Variants in CCDC171 observed in about 807,000 individuals in gnomAD.
CCDC171 encodes coiled-coil domain containing 171.
In CCDC171, 177 loss-of-function variants were observed where a neutral mutation model predicts 168.2. That is an observed-to-expected ratio of 1.05 (90% CI 0.93 to 1.19). The LOEUF is 1.19. CCDC171 is among the 50% of genes most tolerant of loss of function. CCDC171 has a pLI of 0.00. For synonymous variants in CCDC171, 687 were observed against 540.8 expected, an observed-to-expected ratio of 1.27 and a Z score of -3.75; for missense variants, 1,991 against 1,539.0, an observed-to-expected ratio of 1.29 and a Z score of -4.91.
At chr9:15,766,842 G>C (rs1245293580) in intron 18 of CCDC171, among the ~76,000 whole-genome samples, 2 of 152,068 alleles carry the variant, frequency 1.3e-5, no homozygotes, top group Non-Finnish European at 2.9e-5. Context: ...TTTGTTTTTT[G>C]TAGAGATGGG....
chr9:15,735,368 G>T (rs751010494), intron 16 of CCDC171, among the ~76,000 whole-genome samples: 2 of 152,030 alleles, frequency 1.3e-5, no homozygotes, highest in African/African-American at 4.8e-5. Context: ...TAGCATTTAT[G>T]TTCTTGTTTC....
At chr9:16,013,927 T>G (rs1379612282) in intron 3 of CCDC171, among the ~76,000 whole-genome samples, 1 of 152,242 alleles carries the variant, frequency 6.6e-6, no homozygotes, top group Non-Finnish European at 1.5e-5. Flanking sequence ...CTTGTCTTGA[T>G]GTTGATGGCT....
At chr9:15,903,530 G>A (rs199987331) in intron 24 of CCDC171, among the ~76,000 whole-genome samples, 17 of 152,020 alleles carry the variant, frequency 1.1e-4, no homozygotes, top group East Asian at 7.7e-4. Context: ...CCATCTGTAC[G>A]TCACCATCAT....
intron 21 of CCDC171, among the ~76,000 whole-genome samples, chr9:15,842,095 T>C (rs892217690): frequency 2.0e-5 from 3 of 152,042 alleles, no homozygotes; most frequent in Admixed American, 1.3e-4. Flanking sequence ...TGCAAGGAAA[T>C]GTAACCTAGT....
At chr9:16,099,844 A>C in the CCDC171 span, among the ~76,000 whole-genome samples, 1 of 152,222 alleles carries the variant, frequency 6.6e-6, no homozygotes, top group Admixed American at 6.5e-5. Flanking sequence ...GACACAAGTT[A>C]GTGCATGTTG....
chr9:15,712,348 T>C (rs2052732974), intron 11 of CCDC171, among the ~76,000 whole-genome samples: 1 of 152,210 alleles, frequency 6.6e-6, no homozygotes, highest in South Asian at 2.1e-4. Context: ...GTAACCTCCA[T>C]TCTACTTTCT....
intron 18 of CCDC171, among the ~76,000 whole-genome samples, chr9:15,749,339 A>G (rs1031156373): frequency 2.0e-5 from 3 of 152,188 alleles, no homozygotes; most frequent in Admixed American, 6.5e-5. Context: ...TTAGAGACCT[A>G]CAAAGAGACT....
intron 21 of CCDC171, among the ~76,000 whole-genome samples, chr9:15,836,023 C>A (rs563669834): frequency 6.6e-6 from 1 of 152,114 alleles, no homozygotes; most frequent in African/African-American, 2.4e-5. Context: ...AGATGACTTG[C>A]TGTGATTTTA....
intron 24 of CCDC171, among the ~76,000 whole-genome samples, chr9:15,893,113 TA>T (rs1820438382): frequency 6.6e-6 from 1 of 151,908 alleles, no homozygotes; most frequent in Non-Finnish European, 1.5e-5. Flanking sequence ...ACAGAATAGA[TA>T]ATCCAGAAAT....
At chr9:15,979,545 A>G (rs1831728604) in intron 3 of CCDC171, among the ~76,000 whole-genome samples, 1 of 152,070 alleles carries the variant, frequency 6.6e-6, no homozygotes, top group Non-Finnish European at 1.5e-5. Context: ...TATTGAGATG[A>G]TCATGTGGTT....
chr9:16,023,163 G>A (rs1236026398), intron 6 of CCDC171, among the ~76,000 whole-genome samples: 1 of 151,862 alleles, frequency 6.6e-6, no homozygotes, highest in Non-Finnish European at 1.5e-5. Context: ...GCGCGATCGG[G>A]TTCATTGTAT....
the CCDC171 span, among the ~76,000 whole-genome samples, chr9:16,100,940 C>T: frequency 0.019 from 2,920 of 152,256 alleles, 74 homozygotes; most frequent in African/African-American, 0.065. Flanking sequence ...TGATTCTAGG[C>T]AAGCGAGCCT....
At position 15,611,677 on chromosome 9, in the gene CCDC171, C is replaced by T. The variant is rs576427622; in HGVS notation, c.676-11590C>T. ...ATCGTCAGAACCTCTTTTGATCAAC[C>T]TCTAGTTTGTAAACTCCTTCCTTTT... On this transcript the variant is annotated intron_variant, in intron 6 of 25. Transcript: ENST00000380701. Among the ~76,000 whole-genome samples, 3 of 152,210 alleles carry T rather than the reference C, an allele frequency of 2.0e-5. No individual in the cohort carries two copies. The East Asian group carries it at 5.8e-4, about 29-fold the overall frequency.
chr9:15,832,724 C>T (rs1338505994), intron 21 of CCDC171, among the ~76,000 whole-genome samples: 2 of 152,124 alleles, frequency 1.3e-5, no homozygotes, highest in Non-Finnish European at 2.9e-5. Flanking sequence ...ATACTGCTGT[C>T]GACTTTATAA....
chr9:16,002,529 G>C (rs1832582976), intron 3 of CCDC171, among the ~76,000 whole-genome samples: 1 of 152,158 alleles, frequency 6.6e-6, no homozygotes, highest in Non-Finnish European at 1.5e-5. Context: ...TTATGAAAGA[G>C]TCAAAATGTT....
chr9:15,958,597 AAGGTGATACCTG>A (rs1830045313), intron 25 of CCDC171, among the ~76,000 whole-genome samples: 1 of 149,706 alleles, frequency 6.7e-6, no homozygotes, highest in Non-Finnish European at 1.5e-5. Context: ...GTTTGGGGTA[AAGGTGATACCTG>A]AGGTAAGCTT....
chr9:15,557,688 G>A (rs968856814), intron 1 of CCDC171, among the ~76,000 whole-genome samples: 1 of 152,128 alleles, frequency 6.6e-6, no homozygotes, highest in Non-Finnish European at 1.5e-5. Flanking sequence ...TGCAAACAAG[G>A]ACAATTTGAC....
At chr9:15,684,947 G>A (rs1288324464) in intron 10 of CCDC171, among the ~76,000 whole-genome samples, 1 of 152,190 alleles carries the variant, frequency 6.6e-6, no homozygotes, top group Non-Finnish European at 1.5e-5. Flanking sequence ...GTTGGGTGAT[G>A]AGTAAATGTT....
At chr9:15,619,776 AGAG>A (rs1302340091) in intron 6 of CCDC171, among the ~76,000 whole-genome samples, 8 of 152,212 alleles carry the variant, frequency 5.3e-5, no homozygotes, top group African/African-American at 1.2e-4. Context: ...TCAGAGCTAG[AGAG>A]GAGAAGTCAG....
Sources: allele counts gnomAD v4.1 joint callset (sites outside exome capture counted in the v4.1 genomes callset), GRCh38; gene constraint gnomAD v4.1.1; transcripts MANE v1.5; gene names NCBI Gene and HGNC (gene_info 2026-07-23, HGNC 2026-07-21).